Variants in MITF observed in about 807,000 individuals in gnomAD.
The protein encoded by MITF is melanocyte inducing transcription factor.
MITF carries 17 observed loss-of-function variants against 60.5 expected under a neutral mutation model. The observed-to-expected ratio is 0.28, with a 90% confidence interval of 0.19 to 0.42. MITF has a LOEUF of 0.42. Among genes scored for constraint, MITF ranks in the 10% least tolerant of loss-of-function variants. MITF has a pLI of 1.00. For missense variants in MITF, 622 were observed against 683.5 expected (o/e 0.91, Z 1.00); for synonymous variants, 260 against 248.5 (o/e 1.05, Z -0.43).
chr3:69,812,365 C>T (rs1035250141), intron 1 of MITF, among the ~76,000 whole-genome samples: 5 of 152,078 alleles, frequency 3.3e-5, no homozygotes, highest in East Asian at 1.9e-4. Context: ...GTAAGGAGAT[C>T]ATCTCGTATC....
chr3:69,915,086 C>G (rs915763361), intron 2 of MITF, among the ~76,000 whole-genome samples: 5 of 152,060 alleles, frequency 3.3e-5, no homozygotes, highest in Non-Finnish European at 7.4e-5. Flanking sequence ...TCACAAGGAA[C>G]CCTTGTGTTC....
In MITF at chr3:69,908,069, A is replaced by G. The variant is rs59435230; in HGVS notation, c.354+28686A>G. Among the ~76,000 whole-genome samples, 346 of 152,240 alleles carry G rather than the reference A, an allele frequency of 2.3e-3. 3 individuals carry two copies. The highest frequency in any genetic ancestry group is 8.1e-3 in the African/African-American group (337 of 41,538). ...TTATTTTTCCCTAAAACTCTTTTGC[A>G]GGAAACCTTATGGGGCTTTTGCCTT... On this transcript the variant is annotated intron_variant, in intron 2 of 9. Transcript: ENST00000352241.
chr3:69,882,665 G>A (rs1426119804), intron 2 of MITF, among the ~76,000 whole-genome samples: 3 of 152,152 alleles, frequency 2.0e-5, no homozygotes, highest in African/African-American at 7.2e-5. Flanking sequence ...GAAATTTGAT[G>A]TAGCTTTTTT....
At chr3:69,858,790 A>G (rs1320868655) in intron 1 of MITF, among the ~76,000 whole-genome samples, 1 of 152,204 alleles carries the variant, frequency 6.6e-6, no homozygotes, top group African/African-American at 2.4e-5. Flanking sequence ...AGATATCAAA[A>G]TTCAAAACTA....
rs185568432 is a variant in MITF at position 69,897,900 on chromosome 3, T to C, written c.354+18517T>C. Among the ~76,000 whole-genome samples the C allele has an allele frequency of 4.6e-5, 7 of 152,342 alleles. No homozygotes were observed. The East Asian group carries it at 1.2e-3, about 25-fold the overall frequency. ...TCACAGCTTGTGCTAGTCATTATTA[T>C]TCTGTACTGATTCTTACAAAGATGT... is the stretch of plus-strand genomic sequence containing the variant. On this transcript the variant is annotated intron_variant, in intron 2 of 9. Coordinates refer to ENST00000352241, the MANE Select transcript of MITF (RefSeq NM_001354604.2).
At chr3:69,920,031 A>G (rs1276373536) in intron 2 of MITF, among the ~76,000 whole-genome samples, 1 of 152,200 alleles carries the variant, frequency 6.6e-6, no homozygotes, top group African/African-American at 2.4e-5. Context: ...TGTAGCAATT[A>G]CTTTTTATTC....
intron 4 of MITF, 102 bp from the exon 5 acceptor site, chr3:69,941,134 A>T (rs2065958826): frequency 2.8e-6 from 2 of 717,984 alleles, no homozygotes; most frequent in Admixed American, 4.8e-5. Context: ...CTAACTAAAG[A>T]CCATTATTGC....
intron 1 of MITF, among the ~76,000 whole-genome samples, chr3:69,796,633 A>G (rs966154210): frequency 2.0e-5 from 3 of 150,786 alleles, no homozygotes; most frequent in African/African-American, 7.3e-5. Flanking sequence ...CAGCCTCCCA[A>G]GTAGCTGGGA....
chr3:69,747,235 A>G (rs1703762120), intron 1 of MITF, among the ~76,000 whole-genome samples: 2 of 152,334 alleles, frequency 1.3e-5, no homozygotes, highest in South Asian at 2.1e-4. Flanking sequence ...AACCAAATAC[A>G]TGAGCAAGAT....
At chr3:69,887,807 T>G (rs979876230) in intron 2 of MITF, among the ~76,000 whole-genome samples, 1 of 152,054 alleles carries the variant, frequency 6.6e-6, no homozygotes, top group African/African-American at 2.4e-5. Flanking sequence ...ATCATTATTA[T>G]TATGATTTTT....
At chr3:69,835,574 G>A (rs1187636889) in intron 1 of MITF, among the ~76,000 whole-genome samples, 3 of 151,960 alleles carry the variant, frequency 2.0e-5, no homozygotes, top group Non-Finnish European at 2.9e-5. Context: ...GAAGCATTTT[G>A]CCTGTGTTTT....
intron 2 of MITF, among the ~76,000 whole-genome samples, chr3:69,895,842 G>GTA (rs1380018206): frequency 6.7e-6 from 1 of 150,050 alleles, no homozygotes; most frequent in Non-Finnish European, 1.5e-5. Flanking sequence ...GTGTGTGTGT[G>GTA]TGTGTGTATG....
intron 1 of MITF, among the ~76,000 whole-genome samples, chr3:69,766,564 T>G (rs1296364761): frequency 1.3e-5 from 2 of 151,970 alleles, no homozygotes; most frequent in African/African-American, 4.8e-5. Flanking sequence ...AATACCATCA[T>G]GCTGGACCTT....
intron 1 of MITF, among the ~76,000 whole-genome samples, chr3:69,872,096 T>C (rs765629263): frequency 3.1e-4 from 47 of 152,190 alleles, no homozygotes; most frequent in Non-Finnish European, 5.9e-4. Context: ...CAACTTTATC[T>C]GCTTCATAAC....
intron 2 of MITF, chr3:69,937,067 T>C (rs1230761236): frequency 1.5e-5 from 4 of 265,072 alleles, no homozygotes; most frequent in Non-Finnish European, 2.8e-5. Flanking sequence ...TGAATAATGT[T>C]GTTTTTTGGG....
intron 1 of MITF, among the ~76,000 whole-genome samples, chr3:69,788,356 A>G (rs1376860941): frequency 9.9e-5 from 14 of 141,900 alleles, no homozygotes; most frequent in African/African-American, 1.3e-4. Context: ...TCATTGTTCA[A>G]TTCCCACCTA....
chr3:69,820,760 T>C (rs2107045069), intron 1 of MITF, among the ~76,000 whole-genome samples: 1 of 152,318 alleles, frequency 6.6e-6, no homozygotes, highest in South Asian at 2.1e-4. Context: ...GATGCTGGCC[T>C]GCCCAACACT....
intron 1 of MITF, among the ~76,000 whole-genome samples, chr3:69,836,897 C>A (rs1255601780): frequency 6.6e-6 from 1 of 152,178 alleles, no homozygotes; most frequent in African/African-American, 2.4e-5. Flanking sequence ...AAACCAGAGG[C>A]TGACTGGCCA....
At chr3:69,750,471 CTT>C (rs199909971) in intron 1 of MITF, among the ~76,000 whole-genome samples, 102 of 123,732 alleles carry the variant, frequency 8.2e-4, no homozygotes, top group Non-Finnish European at 9.8e-4. Context: ...AGTGACACTC[CTT>C]TTTTTTTTTT....
Sources: allele counts gnomAD v4.1 joint callset (sites outside exome capture counted in the v4.1 genomes callset), GRCh38; gene constraint gnomAD v4.1.1; transcripts MANE v1.5; gene names NCBI Gene and HGNC (gene_info 2026-07-23, HGNC 2026-07-21).